PHTF2: variants seen among roughly 807,000 people sequenced by gnomAD.
The protein encoded by PHTF2 is protein PHTF2.
PHTF2 carries 60 observed loss-of-function variants against 101.2 expected under a neutral mutation model. The observed-to-expected ratio is 0.59, with a 90% confidence interval of 0.48 to 0.73. The LOEUF is 0.73. Ranked by LOEUF, PHTF2 falls within the 30% of genes least tolerant of loss-of-function variation. The pLI is 0.00. For synonymous variants in PHTF2, 311 were observed against 307.3 expected (o/e 1.01, Z -0.13); for missense variants, 747 against 908.7 (o/e 0.82, Z 2.29).
At chr7:77,821,187 G>C (rs1331836987) in intron 1 of PHTF2, among the ~76,000 whole-genome samples, 1 of 151,934 alleles carries the variant, frequency 6.6e-6, no homozygotes, top group African/African-American at 2.4e-5. Flanking sequence ...GGCCTGTAAG[G>C]CTTCTACTGA....
chr7:77,827,898 C>T (rs2150540374), intron 1 of PHTF2, among the ~76,000 whole-genome samples: 1 of 151,438 alleles, frequency 6.6e-6, no homozygotes, highest in East Asian at 2.0e-4. Context: ...CCTGACTTAG[C>T]CTCCCAAAGT....
At chr7:77,899,021 C>G (rs1401988859) in intron 5 of PHTF2, among the ~76,000 whole-genome samples, 1 of 152,114 alleles carries the variant, frequency 6.6e-6, no homozygotes, top group Non-Finnish European at 1.5e-5. Context: ...AGGCTGTTCT[C>G]AAACTCCTGG....
At chr7:77,798,998 G>C (rs1221117955) in intron 1 of PHTF2, 27 bp downstream of exon 1, 1 of 152,698 alleles carries the variant, frequency 6.5e-6, no homozygotes, top group African/African-American at 2.4e-5. Flanking sequence ...CTCCGCGCTC[G>C]GGTGGGCAGT....
intron 1 of PHTF2, among the ~76,000 whole-genome samples, chr7:77,808,400 A>G (rs35955724): frequency 0.038 from 5,739 of 152,208 alleles, 171 homozygotes; most frequent in Middle Eastern, 0.054. Flanking sequence ...AAGTCCTGTC[A>G]TCTTTGTCAT....
chr7:77,933,711 G>GT (rs372397795), intron 12 of PHTF2, among the ~76,000 whole-genome samples: 16,664 of 108,236 alleles, frequency 0.15, 1,344 homozygotes, highest in South Asian at 0.24. Context: ...GGGACCATGT[G>GT]TTTTTTTTTT....
intron 13 of PHTF2, 100 bp from the exon 13 acceptor site, chr7:77,939,930 T>C (rs1805499461): frequency 1.1e-6 from 1 of 879,318 alleles, no homozygotes; most frequent in East Asian, 2.7e-5. Flanking sequence ...GAGTATATTT[T>C]AACAAATGAT....
chr7:77,949,285 A>G (rs935678686), intron 16 of PHTF2, among the ~76,000 whole-genome samples: 5 of 152,096 alleles, frequency 3.3e-5, no homozygotes, highest in Non-Finnish European at 7.4e-5. Flanking sequence ...TTTAAAATAT[A>G]CAAAAAATTA....
At chr7:77,813,879 C>T (rs1273205989) in intron 1 of PHTF2, among the ~76,000 whole-genome samples, 7 of 151,816 alleles carry the variant, frequency 4.6e-5, no homozygotes, top group Non-Finnish European at 1.0e-4. Flanking sequence ...GACCAGTTGG[C>T]TTAGTAGTTT....
intron 2 of PHTF2, among the ~76,000 whole-genome samples, chr7:77,852,824 A>G (rs1229789102): frequency 1.3e-5 from 2 of 152,094 alleles, no homozygotes; most frequent in East Asian, 3.8e-4. Context: ...TTTTTCCTTC[A>G]TGTTTGAAAG....
At chr7:77,931,817 A>G (rs1462743373) in intron 12 of PHTF2, among the ~76,000 whole-genome samples, 1 of 152,250 alleles carries the variant, frequency 6.6e-6, no homozygotes, top group Non-Finnish European at 1.5e-5. Context: ...GTATGATAAA[A>G]CAGTATACAG....
intron 15 of PHTF2, 24 bp downstream of exon 14, chr7:77,940,683 G>C (rs771982008): frequency 2.0e-6 from 3 of 1,537,474 alleles, no homozygotes; most frequent in Non-Finnish European, 1.8e-6. Flanking sequence ...GATAAAAGTA[G>C]CTTTAACATG....
At chr7:77,808,480 T>C (rs979558540) in intron 1 of PHTF2, among the ~76,000 whole-genome samples, 1 of 152,246 alleles carries the variant, frequency 6.6e-6, no homozygotes, top group African/African-American at 2.4e-5. Flanking sequence ...TGCTAATTTT[T>C]GTTTGAATGC....
intron 7 of PHTF2, among the ~76,000 whole-genome samples, chr7:77,908,348 G>A (rs1003371185): frequency 1.3e-5 from 2 of 152,182 alleles, no homozygotes; most frequent in Non-Finnish European, 2.9e-5. Flanking sequence ...CTATGCCTAA[G>A]TAAATTTGTT....
chr7:77,956,242 C>T (rs935107414), exon 20 of PHTF2: 4 of 152,310 alleles, frequency 2.6e-5, no homozygotes, highest in Admixed American at 2.6e-4. Context: ...TGTGGAATAT[C>T]CTCATATTTT....
At chr7:77,858,744 A>T (rs1797380582) in intron 3 of PHTF2, among the ~76,000 whole-genome samples, 1 of 151,840 alleles carries the variant, frequency 6.6e-6, no homozygotes. Context: ...GAGTACCACC[A>T]TACATTTAAA....
chr7:77,830,504 A>T (rs1378322147), intron 1 of PHTF2, among the ~76,000 whole-genome samples: 2 of 152,186 alleles, frequency 1.3e-5, no homozygotes, highest in African/African-American at 4.8e-5. Flanking sequence ...GCCTCCTGTC[A>T]GATCAGCAGC....
chr7:77,943,816 G>A (rs368589635), intron 16 of PHTF2, among the ~76,000 whole-genome samples: 5 of 151,944 alleles, frequency 3.3e-5, no homozygotes, highest in African/African-American at 7.3e-5. Context: ...TCAGGAGTTC[G>A]AGACCAGCCC....
At chr7:77,921,367 T>A (rs2150914317) in intron 10 of PHTF2, among the ~76,000 whole-genome samples, 1 of 152,346 alleles carries the variant, frequency 6.6e-6, no homozygotes, top group Non-Finnish European at 1.5e-5. Flanking sequence ...TTTTTTTTGG[T>A]TGAACAGTTT....
At chr7:77,941,368 A>T (rs1245069508) in intron 15 of PHTF2, among the ~76,000 whole-genome samples, 8 of 151,882 alleles carry the variant, frequency 5.3e-5, no homozygotes, top group Admixed American at 5.2e-4. Context: ...TGGCATGGAT[A>T]TTTTTTTCCT....
Sources: gnomAD v4.1 joint callset for allele counts (sites outside exome capture counted in the v4.1 genomes callset) on GRCh38, gnomAD v4.1.1 for gene constraint, MANE v1.5 for transcripts, NCBI Gene and HGNC (gene_info 2026-07-23, HGNC 2026-07-21) for gene names.